WASF3: variants seen among roughly 807,000 people sequenced by gnomAD.
The protein encoded by WASF3 is actin-binding protein WASF3.
Under a neutral mutation model 46.6 loss-of-function variants are expected in WASF3, and 11 were observed. The ratio of observed to expected loss-of-function variants is 0.24; its 90% CI spans 0.15 to 0.39. The LOEUF (loss-of-function observed/expected upper bound fraction) is 0.39, where lower values mean the gene tolerates loss of function less well. Ranked by LOEUF, WASF3 falls within the 10% of genes least tolerant of loss-of-function variation. The pLI is 1.00. For synonymous variants in WASF3, 242 were observed against 259.7 expected (o/e 0.93, Z 0.65); for missense variants, 576 against 669.8 (o/e 0.86, Z 1.55).
intron 9 of WASF3, among the ~76,000 whole-genome samples, chr13:26,684,681 C>T (rs1349852345): frequency 6.6e-6 from 1 of 152,064 alleles, no homozygotes; most frequent in Non-Finnish European, 1.5e-5. Context: ...GGTAAAGGGA[C>T]ATTATATGCC....
At chr13:26,624,941 A>G (rs1487487325) in intron 2 of WASF3, among the ~76,000 whole-genome samples, 1 of 152,126 alleles carries the variant, frequency 6.6e-6, no homozygotes, top group Non-Finnish European at 1.5e-5. Context: ...GTTTCAGACA[A>G]ACAAAAGCTG....
the WASF3 span, among the ~76,000 whole-genome samples, chr13:26,539,648 C>G: frequency 0.12 from 18,671 of 150,714 alleles, 1,300 homozygotes; most frequent in South Asian, 0.21. Flanking sequence ...CCCCTTACCT[C>G]TACCCCATCA....
rs376560983 is a variant in WASF3 at position 26,682,808 on chromosome 13, G to A, written c.1185G>A (p.Pro395=). 2.3e-5 allele frequency: 37 copies of A among 1,609,514 alleles called. No homozygotes were observed. In the African/African-American group the frequency reaches 3.2e-4, roughly 14 times the overall value. ...PPSTGLLVTA[P]PPPGPPPPPP... is the part of the protein sequence containing the mutation. ...CCACCGGGCTCCTGGTCACAGCCCC[G>A]CCACCCCCGGGCCCACCACCTCCCC... Residue 395 remains proline, a synonymous_variant, in exon 9 of 10, where the codon CCG becomes CCA. Transcript: ENST00000335327. This position sits in a 1 kb window ranked among gnomAD's most constrained non-coding sequence, Gnocchi z 4.4.
intron 1 of WASF3, among the ~76,000 whole-genome samples, chr13:26,604,434 C>T (rs538722311): frequency 5.4e-4 from 82 of 152,098 alleles, no homozygotes; most frequent in African/African-American, 1.8e-3. Context: ...AAGAGTCAGG[C>T]GGCTGTTTTT....
Position 26,676,742 on chromosome 13 carries a change from C to T in WASF3, c.716+18C>T. 1.2e-6 allele frequency: 2 copies of T among 1,605,748 alleles called. No individual in the cohort carries two copies. Among genetic ancestry groups the T allele is most frequent in the Middle Eastern group, 1.7e-4 (1 of 6,018 alleles). ...GATACTAGGTGTGTGTGTGTCACTG[C>T]TCCCTCAGCCCTGATGCTTGGGCAA... On this transcript the variant is annotated intron_variant, in intron 7 of 9. Coordinates refer to ENST00000335327, the MANE Select transcript of WASF3 (RefSeq NM_006646.6).
chr13:26,584,492 G>A (rs756682396), intron 1 of WASF3, among the ~76,000 whole-genome samples: 13 of 152,252 alleles, frequency 8.5e-5, no homozygotes, highest in Non-Finnish European at 1.8e-4. Flanking sequence ...ATTGGTAAAC[G>A]CACTGCACTT....
chr13:26,589,381 G>A (rs576929963), intron 1 of WASF3, among the ~76,000 whole-genome samples: 1 of 152,248 alleles, frequency 6.6e-6, no homozygotes, highest in Admixed American at 6.5e-5. Context: ...GTGTCATGTT[G>A]GGAATTGCTG....
rs1276158793 is a variant in WASF3, at chr13:26,681,135, C to G, written c.798C>G (p.Ser266=). The G allele has an allele frequency of 6.2e-7, 1 of 1,614,216 alleles. No homozygotes were observed. Among genetic ancestry groups the G allele is most frequent in the East Asian group, 2.2e-5 (1 of 44,878 alleles). Reference sequence around the variant, plus strand: ...TGCACCCCCAGCCTGTGACCCCTTCCTATGCAGCTGGTGACGTGCCACCAC... The same window carrying G: ...TGCACCCCCAGCCTGTGACCCCTTCGTATGCAGCTGGTGACGTGCCACCAC... ...HSLHPQPVTP[S]YAAGDVPPHG... Residue 266 remains serine, a synonymous_variant, in exon 8 of 10, where the codon TCC becomes TCG. Transcript: ENST00000335327.
chr13:26,594,758 T>C (rs1880410545), intron 1 of WASF3, among the ~76,000 whole-genome samples: 1 of 152,150 alleles, frequency 6.6e-6, no homozygotes, highest in South Asian at 2.1e-4. Flanking sequence ...TAGTCTGCCT[T>C]CTGTCATTTC....
At position 26,599,427 on chromosome 13, in the gene WASF3, G is replaced by A. The variant is rs115733523; in HGVS notation, c.-108-13534G>A. 8.3e-3 allele frequency among the ~76,000 whole-genome samples: 1,258 copies of A among 152,202 alleles called. 19 individuals are homozygous for A. Among genetic ancestry groups the A allele is most frequent in the African/African-American group, 0.029 (1,206 of 41,514 alleles). On this transcript the variant is annotated intron_variant, in intron 1 of 9. Transcript: ENST00000335327. ...GCCTTCCTCCTGGTGTCAGGCTGCT[G>A]CTCTGCATCTAGGGACTTCACAGGT...
At chr13:26,586,465 C>T (rs1430599372) in intron 1 of WASF3, among the ~76,000 whole-genome samples, 2 of 152,136 alleles carry the variant, frequency 1.3e-5, no homozygotes, top group Non-Finnish European at 2.9e-5. Flanking sequence ...CCAGTTTCTG[C>T]ATTTTCTAGT....
intron 3 of WASF3, among the ~76,000 whole-genome samples, chr13:26,651,442 A>G (rs894354730): frequency 2.0e-5 from 3 of 152,244 alleles, no homozygotes; most frequent in African/African-American, 7.2e-5. Context: ...AATGTTAAGG[A>G]TGACAGCTGA....
chr13:26,637,278 C>T (rs2137274622), intron 2 of WASF3, among the ~76,000 whole-genome samples: 1 of 152,284 alleles, frequency 6.6e-6, no homozygotes, highest in East Asian at 1.9e-4. Context: ...CAGAGAGTCC[C>T]AATTGAGGGA....
At chr13:26,575,663 G>A (rs950521256) in intron 1 of WASF3, among the ~76,000 whole-genome samples, 2 of 152,144 alleles carry the variant, frequency 1.3e-5, no homozygotes, top group East Asian at 1.9e-4. Context: ...TATTAGCCTC[G>A]TTAGTTGAAG....
chr13:26,685,763 C>T lies in WASF3; in HGVS notation c.1427C>T (p.Thr476Met), dbSNP rs775028272. Residue 476 changes from threonine to methionine, a missense_variant, in exon 10 of 10, where the codon ACG becomes ATG. Around this residue, in one of 3 missense-constraint regions of WASF3, gnomAD observed 68 missense variants for 100.3 expected, o/e 0.68. Transcript: ENST00000335327. ...KREPVGNDVATILSRRIAVEY... is the reference protein window; with the variant it reads ...KREPVGNDVAMILSRRIAVEY... ...GAGCCAGTGGGGAATGACGTGGCCA[C>T]GATCCTGTCCCGGCGCATTGCCGTG... The T allele has an allele frequency of 1.4e-5, 22 of 1,614,088 alleles. No homozygotes were observed. Among genetic ancestry groups the T allele is most frequent in the South Asian group, 3.3e-5 (3 of 91,096 alleles).
intron 2 of WASF3, among the ~76,000 whole-genome samples, chr13:26,634,834 T>C (rs1393231626): frequency 6.6e-6 from 1 of 152,232 alleles, no homozygotes; most frequent in Non-Finnish European, 1.5e-5. Flanking sequence ...TTCTGGCTTG[T>C]AAGGTTTCTG....
At chr13:26,554,587 C>A (rs1011641452), upstream of WASF3, among the ~76,000 whole-genome samples, 2 of 152,174 alleles carry the variant, frequency 1.3e-5, no homozygotes, top group Admixed American at 6.5e-5. Flanking sequence ...TCTTTTTATT[C>A]TGTTAACTAT....
chr13:26,577,253 T>C (rs1358404663), intron 1 of WASF3: 2 of 737,536 alleles, frequency 2.7e-6, no homozygotes, highest in South Asian at 1.4e-5. Flanking sequence ...TTAAAGCTCA[T>C]GTTGATGTCA....
intron 1 of WASF3, among the ~76,000 whole-genome samples, chr13:26,604,483 C>G (rs1255981559): frequency 6.6e-6 from 1 of 152,134 alleles, no homozygotes; most frequent in Non-Finnish European, 1.5e-5. Flanking sequence ...CACTTATAAA[C>G]TTATAAATAC....
Sources: allele counts gnomAD v4.1 joint callset (sites outside exome capture counted in the v4.1 genomes callset), GRCh38; gene constraint gnomAD v4.1.1; regional missense constraint gnomAD v4.1.1; non-coding constraint Gnocchi (gnomAD v3.1); transcripts MANE v1.5; gene names NCBI Gene and HGNC (gene_info 2026-07-23, HGNC 2026-07-21).